SLC44A1: variants seen among roughly 807,000 people sequenced by gnomAD.
SLC44A1 encodes choline transporter-like protein 1.
A neutral mutation model predicts 79.3 loss-of-function variants in SLC44A1; 26 were observed. The observed-to-expected ratio is 0.33, with a 90% CI of 0.24 to 0.46. The LOEUF (loss-of-function observed/expected upper bound fraction) is 0.46, where lower values mean the gene tolerates loss of function less well. Among genes scored for constraint, SLC44A1 ranks in the 20% least tolerant of loss-of-function variants. The probability of loss-of-function intolerance (pLI) is 1.00; values close to 1 mark genes in which losing one functional copy is unlikely to be tolerated. For missense variants in SLC44A1, 688 were observed against 798.1 expected, an observed-to-expected ratio of 0.86 and a Z score of 1.66; for synonymous variants, 263 against 286.2, an observed-to-expected ratio of 0.92 and a Z score of 0.82.
intron 5 of SLC44A1, among the ~76,000 whole-genome samples, chr9:105,351,681 GAAAA>G (rs1300940122): frequency 4.8e-5 from 3 of 63,156 alleles, no homozygotes; most frequent in African/African-American, 1.1e-4. Flanking sequence ...AAAGAACCAA[GAAAA>G]AAATGTTATC....
intron 1 of SLC44A1, among the ~76,000 whole-genome samples, chr9:105,264,498 G>T (rs1829914762): frequency 6.6e-6 from 1 of 152,056 alleles, no homozygotes; most frequent in African/African-American, 2.4e-5. Flanking sequence ...TGACTAAGTG[G>T]TTGCTCTTAA....
chr9:105,397,715 C>T (rs979366635), downstream of SLC44A1, among the ~76,000 whole-genome samples: 2 of 152,022 alleles, frequency 1.3e-5, no homozygotes, highest in African/African-American at 4.8e-5. Context: ...GAGGCCGAGG[C>T]GGACAGATCA....
chr9:105,387,060 A>AAAATATATATAT (rs34780893), intron 15 of SLC44A1, among the ~76,000 whole-genome samples: 1 of 7,714 alleles, frequency 1.3e-4, no homozygotes, highest in African/African-American at 4.1e-4. Flanking sequence ...AAAAAAAAAA[A>AAAATATATATAT]ATATATATAT....
At chr9:105,425,225 A>G (rs1335271976) in intron 15 of SLC44A1, among the ~76,000 whole-genome samples, 1 of 152,188 alleles carries the variant, frequency 6.6e-6, no homozygotes, top group Non-Finnish European at 1.5e-5. Context: ...GCATTCCATT[A>G]TATAGATTCC....
At chr9:105,412,682 AC>A (rs1054412810) in intron 15 of SLC44A1, among the ~76,000 whole-genome samples, 24 of 151,870 alleles carry the variant, frequency 1.6e-4, no homozygotes, top group Non-Finnish European at 2.9e-5. Flanking sequence ...GCTCACTGCA[AC>A]CTCCGCCCCC....
At chr9:105,308,385 C>T (rs1234855513) in intron 2 of SLC44A1, among the ~76,000 whole-genome samples, 2 of 152,198 alleles carry the variant, frequency 1.3e-5, no homozygotes, top group East Asian at 3.9e-4. Flanking sequence ...CTCAATTTTA[C>T]AGATGAGTAA....
downstream of SLC44A1, among the ~76,000 whole-genome samples, chr9:105,398,873 A>C (rs372071192): frequency 5.3e-4 from 80 of 152,318 alleles, 1 homozygote; most frequent in African/African-American, 1.8e-3. Context: ...CCACACTGGA[A>C]GAGGAAGAAT....
At chr9:105,372,139 C>T (rs1828122267) in intron 12 of SLC44A1, among the ~76,000 whole-genome samples, 1 of 152,260 alleles carries the variant, frequency 6.6e-6, no homozygotes, top group Non-Finnish European at 1.5e-5. Context: ...AACAGAAACA[C>T]TTAGTATGAT....
chr9:105,253,456 G>A (rs947907891), intron 1 of SLC44A1, among the ~76,000 whole-genome samples: 5 of 152,282 alleles, frequency 3.3e-5, no homozygotes, highest in Non-Finnish European at 7.3e-5. Context: ...GGCTGGGTTT[G>A]GTGGCTCACA....
At position 105,348,304 on chromosome 9, in the gene SLC44A1, TAAG is replaced by T. The variant is rs1213240212; in HGVS notation, c.407-52_407-50del. On this transcript the variant is annotated intron_variant, in intron 4 of 15. Transcript: ENST00000374720. ...AATAATACAAAATTAAAATGAATAG[TAAG>T]AGAATTTTTTCAGACTGTTCTGCCA... The T allele has an allele frequency of 1.1e-5, 10 of 907,666 alleles. No homozygotes were observed. The East Asian group carries it at 2.0e-4, about 18-fold the overall frequency. The allele number at this position is 907,666 out of a possible 1,614,324, so 56.2% of individuals were successfully genotyped here. A position where few individuals can be genotyped will look rare whatever the true frequency, so the allele number is the denominator to read the frequency against.
intron 7 of SLC44A1, among the ~76,000 whole-genome samples, chr9:105,360,447 TGG>T (rs1029004043): frequency 2.0e-5 from 3 of 152,178 alleles, no homozygotes; most frequent in African/African-American, 7.2e-5. Flanking sequence ...AGTAAGAACT[TGG>T]CTTTGTTTAC....
intron 1 of SLC44A1, among the ~76,000 whole-genome samples, chr9:105,274,406 T>C (rs1830152872): frequency 6.6e-6 from 1 of 152,200 alleles, no homozygotes; most frequent in Non-Finnish European, 1.5e-5. Flanking sequence ...CTTTTACTTA[T>C]GATGTTCTTG....
At chr9:105,265,599 A>C (rs1829943878) in intron 1 of SLC44A1, among the ~76,000 whole-genome samples, 1 of 152,188 alleles carries the variant, frequency 6.6e-6, no homozygotes, top group Admixed American at 6.5e-5. Context: ...ACTTCTATGC[A>C]GTGTGAATGT....
At chr9:105,262,744 G>C (rs1027855706) in intron 1 of SLC44A1, among the ~76,000 whole-genome samples, 2 of 152,170 alleles carry the variant, frequency 1.3e-5, no homozygotes, top group Non-Finnish European at 2.9e-5. Flanking sequence ...ACAGGGTCCA[G>C]AATGGATTCA....
chr9:105,272,587 A>G (rs1291602759), intron 1 of SLC44A1, among the ~76,000 whole-genome samples: 2 of 151,820 alleles, frequency 1.3e-5, no homozygotes, highest in Admixed American at 6.6e-5. Context: ...AGGTATCACT[A>G]TTCTCTTTAC....
chr9:105,307,726 A>C (rs994319615), intron 2 of SLC44A1, among the ~76,000 whole-genome samples: 1 of 152,170 alleles, frequency 6.6e-6, no homozygotes, highest in Non-Finnish European at 1.5e-5. Context: ...TTTACTCAGC[A>C]CAGGGCTTCC....
intron 15 of SLC44A1, among the ~76,000 whole-genome samples, chr9:105,431,534 A>G (rs927671342): frequency 5.3e-5 from 8 of 152,226 alleles, no homozygotes. Context: ...TAACTGGCCC[A>G]TGCTGCTTAC....
chr9:105,354,107 G>C (rs1349215890), intron 5 of SLC44A1, among the ~76,000 whole-genome samples: 1 of 130,108 alleles, frequency 7.7e-6, no homozygotes, highest in African/African-American at 3.0e-5. Context: ...CTGGAGTGCA[G>C]TGGCGCGATC....
intron 1 of SLC44A1, among the ~76,000 whole-genome samples, chr9:105,257,816 G>A (rs1829747245): frequency 6.6e-6 from 1 of 152,214 alleles, no homozygotes; most frequent in South Asian, 2.1e-4. Flanking sequence ...ATAACTTGCT[G>A]CTTGTCAGTA....
Sources: allele counts gnomAD v4.1 joint callset (sites outside exome capture counted in the v4.1 genomes callset), GRCh38; gene constraint gnomAD v4.1.1; transcripts MANE v1.5; gene names NCBI Gene and HGNC (gene_info 2026-07-23, HGNC 2026-07-21).